The following LARP1B variants were observed in gnomAD, a reference collection of about 807,000 sequenced individuals.
LARP1B encodes la-related protein 1B.
Under a neutral mutation model 114.2 loss-of-function variants are expected in LARP1B, and 76 were observed. That is an observed-to-expected ratio of 0.67 (90% CI 0.55 to 0.81). LARP1B has a LOEUF of 0.81. Among genes scored for constraint, LARP1B ranks in the 30% least tolerant of loss-of-function variants. The probability of loss-of-function intolerance (pLI) is 0.00; values close to 1 mark genes in which losing one functional copy is unlikely to be tolerated. For missense variants in LARP1B, 1,014 were observed against 1,075.8 expected (o/e 0.94, Z 0.80); for synonymous variants, 345 against 348.0 (o/e 0.99, Z 0.10).
chr4:128,152,355 C>CGCT, intron 11 of LARP1B, among the ~76,000 whole-genome samples: 1 of 151,770 alleles, frequency 6.6e-6, no homozygotes. Context: ...AGGCGCATAC[C>CGCT]ACCACGCCCA....
intron 1 of LARP1B, chr4:128,061,809 C>T: frequency 1.0e-6 from 1 of 984,902 alleles, no homozygotes; most frequent in Non-Finnish European, 1.2e-6. Context: ...CAGCCGCCCC[C>T]GCCCGAATGT....
Position 128,211,785 on chromosome 4 carries a change from T to C in LARP1B, c.*1732T>C. 1.1e-6 allele frequency: 1 copy of C among 874,120 alleles called. No individual in the cohort carries two copies. The highest frequency in any genetic ancestry group is 1.4e-6 in the Non-Finnish European group (1 of 728,472). The allele number at this position is 874,120 out of a possible 1,614,324, so 54.1% of individuals were successfully genotyped here. ...AAACCTGTATTTAACCAGATATTTC[T>C]ACTCAACTGAATATACAAGTGTAAA... On this transcript the variant is annotated 3_prime_UTR_variant, in exon 20 of 20. Transcript: ENST00000326639.
intron 1 of LARP1B, among the ~76,000 whole-genome samples, chr4:128,068,683 T>C (rs1435635873): frequency 6.6e-6 from 1 of 152,056 alleles, no homozygotes; most frequent in Admixed American, 6.6e-5. Context: ...AAAGTGCTGC[T>C]ATTACAGGTG....
At chr4:128,209,294 G>A (rs971074540) in intron 19 of LARP1B, among the ~76,000 whole-genome samples, 10 of 152,114 alleles carry the variant, frequency 6.6e-5, no homozygotes, top group Non-Finnish European at 1.3e-4. Flanking sequence ...GGTGGCTTGC[G>A]CCTCTACTCC....
At chr4:128,108,573 C>T in intron 9 of LARP1B, 3 of 985,558 alleles carry the variant, frequency 3.0e-6, no homozygotes, top group Non-Finnish European at 3.6e-6. Flanking sequence ...GTTTCTTTGT[C>T]AGCCTTCTGC....
chr4:128,122,864 A>G, intron 11 of LARP1B: 1 of 1,021,880 alleles, frequency 9.8e-7, no homozygotes, highest in Non-Finnish European at 1.2e-6. Flanking sequence ...TTTATCAGGT[A>G]TCTGCATTCC....
At position 128,091,069 on chromosome 4, in the gene LARP1B, A is replaced by G. The variant is rs764467098; in HGVS notation, c.427A>G (p.Asn143Asp). Residue 143 changes from asparagine (N) to aspartate (D), a missense_variant, in exon 6 of 20, where the codon AAT (asparagine) becomes GAT (aspartate). Physicochemically the swap from Asn to Asp is conservative, Grantham distance 23 (BLOSUM62 1). Coordinates refer to ENST00000326639, the MANE Select transcript of LARP1B (RefSeq NM_018078.4). Reference protein sequence around the residue: ...DVSSVRSEGGNIRGSFRGRGR... With the variant: ...DVSSVRSEGGDIRGSFRGRGR... ...TTCCAGTGTGAGAAGTGAGGGTGGT[A>G]ATATCCGAGGTTCCTTTAGAGGTCG... 1 of 1,613,974 alleles carries G rather than the reference A, an allele frequency of 6.2e-7. No individual in the cohort carries two copies. The highest frequency in any genetic ancestry group is 8.5e-7 in the Non-Finnish European group (1 of 1,179,864).
chr4:128,061,669 C>G (rs1760160047), intron 1 of LARP1B: 3 of 984,470 alleles, frequency 3.0e-6, no homozygotes, highest in African/African-American at 3.5e-5. Flanking sequence ...GCCACCCCGG[C>G]TGGGGCGGCT....
rs185397229 is a variant in LARP1B, at chr4:128,182,192, C to T, written c.2003+2680C>T. 6.9e-4 allele frequency among the ~76,000 whole-genome samples: 103 copies of T among 148,290 alleles called. 1 individual carries two copies. The East Asian group carries it at 0.017, about 24-fold the overall frequency. ...TCTGTGGCACAATCATGGCCCACTG[C>T]AACCGTAACCTCCCAGACTCAAGTG... On this transcript the variant is annotated intron_variant, in intron 15 of 19. Coordinates refer to ENST00000326639, the MANE Select transcript of LARP1B (RefSeq NM_018078.4).
intron 6 of LARP1B, 93 bp from the exon 7 acceptor site, chr4:128,091,254 A>T (rs1176926091): frequency 3.3e-6 from 5 of 1,513,746 alleles, no homozygotes; most frequent in Non-Finnish European, 3.6e-6. Context: ...AGATGGTTTT[A>T]TGTTTGTTAA....
At chr4:128,180,644 A>G (rs1748016618) in intron 15 of LARP1B, among the ~76,000 whole-genome samples, 1 of 152,172 alleles carries the variant, frequency 6.6e-6, no homozygotes, top group Non-Finnish European at 1.5e-5. Context: ...GAAAATGTTT[A>G]ATTTACCTAA....
chr4:128,137,005 A>C (rs538910028), intron 11 of LARP1B, among the ~76,000 whole-genome samples: 1 of 152,354 alleles, frequency 6.6e-6, no homozygotes, highest in South Asian at 2.1e-4. Flanking sequence ...TTCAAAGAAG[A>C]AATTAATGGA....
At chr4:128,091,867 G>A (rs960056962) in intron 7 of LARP1B, among the ~76,000 whole-genome samples, 1 of 152,184 alleles carries the variant, frequency 6.6e-6, no homozygotes. Context: ...AAAGTGCTGG[G>A]ATTATAGGCG....
At chr4:128,063,564 G>C (rs1761235958) in intron 1 of LARP1B, among the ~76,000 whole-genome samples, 1 of 151,482 alleles carries the variant, frequency 6.6e-6, no homozygotes, top group African/African-American at 2.4e-5. Context: ...TGGATCACCT[G>C]AGGTCAGGAG....
chr4:128,191,005 C>T (rs1752099643), intron 15 of LARP1B, among the ~76,000 whole-genome samples: 1 of 152,040 alleles, frequency 6.6e-6, no homozygotes, highest in Non-Finnish European at 1.5e-5. Flanking sequence ...TTCTTTTTCT[C>T]CTCTGACTGT....
At chr4:128,132,821 C>T (rs1280510303) in intron 11 of LARP1B, among the ~76,000 whole-genome samples, 1 of 151,784 alleles carries the variant, frequency 6.6e-6, no homozygotes, top group East Asian at 1.9e-4. Flanking sequence ...TTCTGTTATT[C>T]ATTATAATAT....
At chr4:128,130,141 C>A (rs371246058) in intron 11 of LARP1B, among the ~76,000 whole-genome samples, 1 of 152,060 alleles carries the variant, frequency 6.6e-6, no homozygotes, top group Non-Finnish European at 1.5e-5. Context: ...TTGCTTGAGA[C>A]CACGAGTTTG....
At chr4:128,152,097 C>T (rs989253351) in intron 11 of LARP1B, among the ~76,000 whole-genome samples, 1 of 151,934 alleles carries the variant, frequency 6.6e-6, no homozygotes, top group Non-Finnish European at 1.5e-5. Flanking sequence ...AATAAATGAT[C>T]CTTGGAGTGA....
intron 6 of LARP1B, among the ~76,000 whole-genome samples, chr4:128,219,183 T>G (rs985362798): frequency 3.1e-4 from 46 of 149,728 alleles, no homozygotes; most frequent in Middle Eastern, 6.9e-3. Context: ...AGGAACACTT[T>G]GACACTGTTG....
Sources: gnomAD v4.1 joint callset for allele counts (sites outside exome capture counted in the v4.1 genomes callset) on GRCh38, gnomAD v4.1.1 for gene constraint, MANE v1.5 for transcripts, NCBI Gene and HGNC (gene_info 2026-07-23, HGNC 2026-07-21) for gene names.